Variants in LRRC8B observed in about 807,000 individuals in gnomAD.
LRRC8B encodes volume-regulated anion channel subunit LRRC8B.
LRRC8B carries 23 observed loss-of-function variants against 58.8 expected under a neutral mutation model. The ratio of observed to expected loss-of-function variants is 0.39; its 90% CI spans 0.28 to 0.55. LRRC8B has a LOEUF of 0.55. Ranked by LOEUF, LRRC8B falls within the 20% of genes least tolerant of loss-of-function variation. LRRC8B has a pLI of 0.62. For missense variants in LRRC8B, 694 were observed against 936.0 expected (o/e 0.74, Z 3.37); for synonymous variants, 359 against 374.1 (o/e 0.96, Z 0.47).
intron 3 of LRRC8B, among the ~76,000 whole-genome samples, chr1:89,569,790 A>G (rs1240521736): frequency 6.6e-6 from 1 of 152,020 alleles, no homozygotes; most frequent in African/African-American, 2.4e-5. Flanking sequence ...GGTTTGTGGT[A>G]CATATTATTT....
At chr1:89,532,023 C>T (rs1042488044) in intron 1 of LRRC8B, among the ~76,000 whole-genome samples, 1 of 152,138 alleles carries the variant, frequency 6.6e-6, no homozygotes, top group Non-Finnish European at 1.5e-5. Flanking sequence ...CTCAGTGGCA[C>T]ACCAAGCTCC....
intron 4 of LRRC8B, 35 bp from the exon 5 acceptor site, chr1:89,582,590 G>T: frequency 1.7e-6 from 2 of 1,210,850 alleles, no homozygotes; most frequent in Non-Finnish European, 2.4e-6. Context: ...TTGAGTACTT[G>T]CTTCAGTAGT....
In LRRC8B at chr1:89,596,077, G is replaced by A. The variant is rs1458658791; in HGVS notation, c.*3034G>A. On this transcript the variant is annotated 3_prime_UTR_variant, in exon 6 of 6. Coordinates refer to ENST00000330947, the MANE Select transcript of LRRC8B (RefSeq NM_001369817.2). ...TAGTGGTTTTTTTTTCAAAATTGCA[G>A]GAGGTTGTAGATTAAATTAAGTATG... 1 of 151,720 alleles carries A rather than the reference G, an allele frequency of 6.6e-6. No homozygotes were observed. Among genetic ancestry groups the A allele is most frequent in the Non-Finnish European group, 1.5e-5 (1 of 67,890 alleles). The allele number at this position is 151,720 out of a possible 1,614,324, so 9.4% of individuals were successfully genotyped here. A position where few individuals can be genotyped will look rare whatever the true frequency, so the allele number is the denominator to read the frequency against.
chr1:89,571,204 T>C (rs1347472311), intron 3 of LRRC8B, among the ~76,000 whole-genome samples: 1 of 152,186 alleles, frequency 6.6e-6, no homozygotes, highest in African/African-American at 2.4e-5. Context: ...GTTCTTTTTT[T>C]GGTTCCATGT....
At chr1:89,555,618 G>C (rs1183549199) in intron 1 of LRRC8B, among the ~76,000 whole-genome samples, 1 of 152,156 alleles carries the variant, frequency 6.6e-6, no homozygotes, top group African/African-American at 2.4e-5. Context: ...ATGAATGGAA[G>C]GGATAGAGAA....
chr1:89,576,863 A>G (rs2101036689), intron 3 of LRRC8B, among the ~76,000 whole-genome samples: 1 of 152,320 alleles, frequency 6.6e-6, no homozygotes. Flanking sequence ...TCATTTAAGC[A>G]CTTGAAATAT....
At chr1:89,575,022 A>G (rs1411599712) in intron 3 of LRRC8B, among the ~76,000 whole-genome samples, 1 of 152,234 alleles carries the variant, frequency 6.6e-6, no homozygotes, top group Non-Finnish European at 1.5e-5. Context: ...TTAGATGACA[A>G]GATCCTGGAC....
intron 3 of LRRC8B, among the ~76,000 whole-genome samples, chr1:89,570,625 A>T (rs184328589): frequency 2.3e-4 from 35 of 152,298 alleles, no homozygotes; most frequent in African/African-American, 7.7e-4. Flanking sequence ...CCTTAGTCAG[A>T]TGCATAGTTT....
intron 4 of LRRC8B, among the ~76,000 whole-genome samples, chr1:89,581,568 A>G (rs1385673710): frequency 6.6e-6 from 1 of 152,202 alleles, no homozygotes; most frequent in Non-Finnish European, 1.5e-5. Flanking sequence ...TTTTGAAACA[A>G]TTGATGTATG....
Position 89,594,461 on chromosome 1 carries a change from G to A in LRRC8B, c.*1418G>A, listed in dbSNP as rs1279381457. ...TGATAGAGGGGAGAGGTACAGATTT[G>A]GTTTTTAAATTGATTTTAAAATACT... On this transcript the variant is annotated 3_prime_UTR_variant, in exon 6 of 6. Coordinates refer to ENST00000330947, the MANE Select transcript of LRRC8B (RefSeq NM_001369817.2). 6.6e-6 allele frequency: 1 copy of A among 151,992 alleles called. No homozygotes were observed. Among genetic ancestry groups the A allele is most frequent in the Non-Finnish European group, 1.5e-5 (1 of 67,960 alleles). 9.4% of individuals were successfully genotyped at this position (151,992 alleles called of 1,614,324 possible). A position where few individuals can be genotyped will look rare whatever the true frequency, so the allele number is the denominator to read the frequency against.
At chr1:89,588,187 G>A (rs1381659420) in intron 5 of LRRC8B, 3 of 152,080 alleles carry the variant, frequency 2.0e-5, no homozygotes, top group South Asian at 2.1e-4. Flanking sequence ...ACATGGGAAC[G>A]TGCTGGGCAG....
intron 1 of LRRC8B, among the ~76,000 whole-genome samples, chr1:89,547,567 C>G (rs980437194): frequency 1.3e-5 from 2 of 152,196 alleles, no homozygotes; most frequent in Non-Finnish European, 2.9e-5. Flanking sequence ...AGATAGCAAT[C>G]CAGTCTGGCA....
intron 1 of LRRC8B, among the ~76,000 whole-genome samples, chr1:89,544,990 G>A (rs1184642107): frequency 3.3e-5 from 5 of 152,112 alleles, no homozygotes; most frequent in African/African-American, 9.7e-5. Context: ...TAACGTAATA[G>A]GAAGTTTTCT....
intron 1 of LRRC8B, among the ~76,000 whole-genome samples, chr1:89,534,340 GAT>G (rs1650363332): frequency 6.6e-6 from 1 of 152,070 alleles, no homozygotes; most frequent in Admixed American, 6.5e-5. Flanking sequence ...AAAGTGATTT[GAT>G]ATCTCACATC....
intron 1 of LRRC8B, among the ~76,000 whole-genome samples, chr1:89,541,809 A>T (rs1443915979): frequency 4.0e-5 from 6 of 150,056 alleles, no homozygotes; most frequent in African/African-American, 1.5e-4. Context: ...TAGGCAGGAT[A>T]AGAGTTCAGT....
intron 1 of LRRC8B, among the ~76,000 whole-genome samples, chr1:89,562,969 A>C (rs1242567039): frequency 6.6e-6 from 1 of 152,210 alleles, no homozygotes; most frequent in Admixed American, 6.5e-5. Flanking sequence ...ATTGATAATT[A>C]AATATTTAGT....
intron 1 of LRRC8B, among the ~76,000 whole-genome samples, chr1:89,542,314 A>G (rs1468475072): frequency 1.3e-5 from 2 of 152,184 alleles, no homozygotes; most frequent in African/African-American, 2.4e-5. Flanking sequence ...TACCTGCCCC[A>G]CAGCATCTGA....
rs746428722 is a variant in LRRC8B at position 89,584,490 on chromosome 1, G to A, written c.1840G>A (p.Asp614Asn). The A allele has an allele frequency of 6.8e-6, 11 of 1,614,072 alleles. No homozygotes were observed. Among genetic ancestry groups the A allele is most frequent in the South Asian group, 1.1e-5 (1 of 91,086 alleles). The change falls in exon 5 of 6, where the codon GAC becomes AAC. Residue 614 changes from aspartate to asparagine, a missense_variant. By Grantham distance (23) the Asp-to-Asn change is conservative. Coordinates refer to ENST00000330947, the MANE Select transcript of LRRC8B (RefSeq NM_001369817.2). ...IFSLNNLHELDLRENNLKTVE... is the reference protein window; with the variant it reads ...IFSLNNLHELNLRENNLKTVE... ...CAGCCTGAATAATTTGCATGAGTTA[G>A]ACCTAAGGGAAAATAACCTTAAAAC...
In LRRC8B at chr1:89,583,637, C is replaced by A; in HGVS notation, c.987C>A (p.Thr329=). Residue 329 remains threonine (T), a synonymous_variant, in exon 5 of 6, where the codon ACC becomes ACA. Transcript: ENST00000330947. This position sits in a 1 kb window ranked among gnomAD's most constrained non-coding sequence, Gnocchi z 5.2. Reference sequence around the variant, plus strand: ...TTTTGGTTATACTTTATGGTCTGACCTCTTCCTACAGCCTGTGGTGGATGC... The same window carrying A: ...TTTTGGTTATACTTTATGGTCTGACATCTTCCTACAGCCTGTGGTGGATGC... ...YVILVILYGL[T]SSYSLWWMLR... 6.2e-7 allele frequency: 1 copy of A among 1,613,254 alleles called. No individual in the cohort carries two copies. The highest frequency in any genetic ancestry group is 1.1e-5 in the South Asian group (1 of 91,070).
Sources: allele counts gnomAD v4.1 joint callset (sites outside exome capture counted in the v4.1 genomes callset), GRCh38; gene constraint gnomAD v4.1.1; non-coding constraint Gnocchi (gnomAD v3.1); transcripts MANE v1.5; gene names NCBI Gene and HGNC (gene_info 2026-07-23, HGNC 2026-07-21).